The following TRIM23 variants were observed in gnomAD, a reference collection of about 807,000 sequenced individuals.
TRIM23 encodes E3 ubiquitin-protein ligase TRIM23.
In TRIM23, 27 loss-of-function variants were observed where a neutral mutation model predicts 71.0. That is an observed-to-expected ratio of 0.38 (90% CI 0.28 to 0.52). TRIM23 has a LOEUF of 0.52. Among genes scored for constraint, TRIM23 ranks in the 20% least tolerant of loss-of-function variants. The pLI is 0.84. For missense variants in TRIM23, 482 were observed against 692.3 expected, an observed-to-expected ratio of 0.70 and a Z score of 3.41; for synonymous variants, 234 against 238.0, an observed-to-expected ratio of 0.98 and a Z score of 0.16.
At chr5:65,621,352 A>G (rs189907453) in intron 1 of TRIM23, among the ~76,000 whole-genome samples, 79 of 152,346 alleles carry the variant, frequency 5.2e-4, no homozygotes, top group African/African-American at 1.7e-3. Flanking sequence ...GCTCTGTCTC[A>G]AAAATTCACA....
At chr5:65,596,922 T>G in intron 8 of TRIM23, 129 bp downstream of exon 8, 20 of 1,166,698 alleles carry the variant, frequency 1.7e-5, no homozygotes, top group Middle Eastern at 2.1e-4. Context: ...ATTTTTTCTC[T>G]GAGATGCTGA....
At chr5:65,620,579 G>A (rs1754905027) in intron 1 of TRIM23, among the ~76,000 whole-genome samples, 1 of 91,924 alleles carries the variant, frequency 1.1e-5, no homozygotes, top group South Asian at 3.7e-4. Context: ...TGGGGAAAGA[G>A]CAAATTTTTT....
At chr5:65,611,916 C>T (rs752180805) in intron 3 of TRIM23, 35 bp from the exon 4 acceptor site, 80 of 1,591,230 alleles carry the variant, frequency 5.0e-5, no homozygotes, top group Non-Finnish European at 6.5e-5. Flanking sequence ...TAAAATTGAA[C>T]CCAATCAGTA....
intron 1 of TRIM23, among the ~76,000 whole-genome samples, chr5:65,619,332 C>T (rs1754858717): frequency 6.6e-6 from 1 of 152,208 alleles, no homozygotes; most frequent in Admixed American, 6.5e-5. Context: ...ACCCAAAACA[C>T]TTTAATACCT....
intron 6 of TRIM23, among the ~76,000 whole-genome samples, chr5:65,608,979 G>A (rs2150633614): frequency 6.6e-6 from 1 of 151,348 alleles, no homozygotes; most frequent in South Asian, 2.1e-4. Flanking sequence ...GCTTGGCAAA[G>A]AAGAGTAAAA....
intron 8 of TRIM23, 115 bp downstream of exon 8, chr5:65,596,936 C>G: frequency 1.5e-6 from 2 of 1,329,570 alleles, no homozygotes; most frequent in Non-Finnish European, 1.0e-6. Flanking sequence ...ATGCTGATAT[C>G]TTAGAGCCAG....
In TRIM23 at chr5:65,590,216, T is replaced by G. The variant is rs1283385871; in HGVS notation, c.*1553A>C. 1.8e-5 allele frequency: 16 copies of G among 910,276 alleles called. No individual in the cohort carries two copies. The South Asian group carries it at 2.7e-4, about 16-fold the overall frequency. 56.4% of individuals were successfully genotyped at this position (910,276 alleles called of 1,614,324 possible). On this transcript the variant is annotated 3_prime_UTR_variant, in exon 11 of 11. Coordinates refer to ENST00000231524, the MANE Select transcript of TRIM23 (RefSeq NM_001656.4). ...CAACACCTTTTTTATTTTTCACAGTTATTGAAATCAGTCAAATATTAAATA... is the reference window on the plus strand; with the variant it reads ...CAACACCTTTTTTATTTTTCACAGTGATTGAAATCAGTCAAATATTAAATA...
chr5:65,604,106 T>C (rs114411588), intron 7 of TRIM23, among the ~76,000 whole-genome samples: 2,222 of 152,122 alleles, frequency 0.015, 46 homozygotes, highest in African/African-American at 0.051. Flanking sequence ...TTGTTTTGTT[T>C]TGTTTTTGAG....
At chr5:65,592,702 C>A (rs17829698) in intron 10 of TRIM23, among the ~76,000 whole-genome samples, 2,397 of 152,302 alleles carry the variant, frequency 0.016, 28 homozygotes, top group Non-Finnish European at 0.023. Flanking sequence ...CAGAAAATTT[C>A]CATGCACACT....
chr5:65,596,364 C>T, intron 9 of TRIM23, 57 bp downstream of exon 9: 1 of 1,206,806 alleles, frequency 8.3e-7, no homozygotes, highest in Non-Finnish European at 1.2e-6. Context: ...TAAATCAGTA[C>T]ACTGAAAACT....
chr5:65,603,471 A>G (rs1424733705), intron 7 of TRIM23, among the ~76,000 whole-genome samples: 1 of 152,228 alleles, frequency 6.6e-6, no homozygotes, highest in Non-Finnish European at 1.5e-5. Context: ...CACCTTTTAA[A>G]TCCAAGTGGT....
In TRIM23 at chr5:65,591,225, T is replaced by C; in HGVS notation, c.*544A>G. The C allele has an allele frequency of 8.1e-7, 1 of 1,240,960 alleles. No individual in the cohort carries two copies. The highest frequency in any genetic ancestry group is 1.0e-6 in the Non-Finnish European group (1 of 991,004). 76.9% of individuals were successfully genotyped at this position (1,240,960 alleles called of 1,614,324 possible). ...TTATAGTTCTTAGCATTAAAGGTGT[T>C]CTGTTAACTCTGAACATAAACATAA... On this transcript the variant is annotated 3_prime_UTR_variant, in exon 11 of 11. Transcript: ENST00000231524.
Position 65,597,093 on chromosome 5 carries a change from T to C in TRIM23, c.1267A>G (p.Lys423Glu). The C allele has an allele frequency of 6.2e-7, 1 of 1,614,170 alleles. No homozygotes were observed. The highest frequency in any genetic ancestry group is 8.5e-7 in the Non-Finnish European group (1 of 1,180,008). ...DGAGKTTILF[K>E]LKQDEFMQPI... The stretch of plus-strand genomic sequence containing the variant: ...TGCATGAATTCATCCTGTTTTAACT[T>C]AAACAAGATAGTAGTTTTTCCAGCA... Residue 423 changes from lysine (K) to glutamate (E), a missense_variant, in exon 8 of 11, where the codon AAG (lysine) becomes GAG (glutamate). This residue lies in a region of TRIM23 where 307 missense variants were observed against 495.8 expected (regional missense o/e 0.62). Transcript: ENST00000231524.
chr5:65,615,472 T>C (rs193081312), intron 2 of TRIM23, among the ~76,000 whole-genome samples: 1 of 151,834 alleles, frequency 6.6e-6, no homozygotes, highest in Admixed American at 6.6e-5. Flanking sequence ...AATGAATAAA[T>C]ATATAAAAGG....
intron 3 of TRIM23, chr5:65,613,777 CCTCTT>C: frequency 8.0e-7 from 1 of 1,247,504 alleles, no homozygotes; most frequent in Non-Finnish European, 1.0e-6. Context: ...ACTTTTGCAT[CCTCTT>C]CTCTACTGTT....
Position 65,623,352 on chromosome 5 carries a change from T to C in TRIM23, c.81+842A>G, listed in dbSNP as rs1427335213. Among the ~76,000 whole-genome samples, 5 of 152,200 alleles carry C rather than the reference T, an allele frequency of 3.3e-5. No individual in the cohort carries two copies. In the East Asian group the frequency reaches 5.8e-4, roughly 18 times the overall value. ...CTAAAACTCCTCAGTGATCCTAATA[T>C]GTAGCCAGGAATGAGAATTATCAAT... On this transcript the variant is annotated intron_variant, in intron 1 of 10. Coordinates refer to ENST00000231524, the MANE Select transcript of TRIM23 (RefSeq NM_001656.4).
intron 5 of TRIM23, among the ~76,000 whole-genome samples, chr5:65,610,555 G>A (rs1478724532): frequency 6.6e-6 from 1 of 152,180 alleles, no homozygotes; most frequent in African/African-American, 2.4e-5. Flanking sequence ...TTCCCTGACT[G>A]AAATTCTTCA....
Position 65,611,709 on chromosome 5 carries a change from T to G in TRIM23, c.539A>C (p.Gln180Pro). Residue 180 changes from glutamine (Q) to proline (P), a missense_variant, in exon 4 of 11, where the codon CAG becomes CCG. By Grantham distance (76) the Gln-to-Pro change is moderately conservative (BLOSUM62 -1). Around this residue, in one of 2 missense-constraint regions of TRIM23, gnomAD observed 307 missense variants for 495.8 expected, o/e 0.62. Coordinates refer to ENST00000231524, the MANE Select transcript of TRIM23 (RefSeq NM_001656.4). ...AAACTCAATGGCATGCACCTGGTGC[T>G]GAGAGCACATAGTTTTCTCATGAGG... ...DKPHEKTMCS[Q>P]HQVHAIEFVC... is the part of the protein sequence containing the mutation. 1 of 1,614,226 alleles carries G rather than the reference T, an allele frequency of 6.2e-7. No homozygotes were observed.
rs1214178291 is a variant in TRIM23 at position 65,592,049 on chromosome 5, AGCCT to A, written c.1546-105_1546-102del. ...AATTTGTTGACAGTGTTCTAACAGA[AGCCT>A]AAACAAAAAACCTAGATTCATCTTT... On this transcript the variant is annotated intron_variant, in intron 10 of 10. Transcript: ENST00000231524. 3.5e-6 allele frequency: 4 copies of A among 1,130,980 alleles called. No homozygotes were observed. The Admixed American group carries it at 8.2e-5, about 23-fold the overall frequency. 70.1% of individuals were successfully genotyped at this position (1,130,980 alleles called of 1,614,324 possible). A position where few individuals can be genotyped will look rare whatever the true frequency, so the allele number is the denominator to read the frequency against.
Sources: allele counts gnomAD v4.1 joint callset (sites outside exome capture counted in the v4.1 genomes callset), GRCh38; gene constraint gnomAD v4.1.1; regional missense constraint gnomAD v4.1.1; transcripts MANE v1.5; gene names NCBI Gene and HGNC (gene_info 2026-07-23, HGNC 2026-07-21).